RPLP0: variants seen among roughly 807,000 people sequenced by gnomAD.
The protein encoded by RPLP0 is large ribosomal subunit protein uL10.
For missense variants in RPLP0, 276 were observed against 402.9 expected (o/e 0.69, Z 2.70); for synonymous variants, 137 against 153.4 (o/e 0.89, Z 0.79).
chr12:120,200,569 C>G (rs1296796090), intron 2 of RPLP0, 161 bp downstream of exon 2: 1 of 718,700 alleles, frequency 1.4e-6, no homozygotes, highest in Non-Finnish European at 2.2e-6. Context: ...TTATCTGCAA[C>G]AGAAGGGACC....
chr12:120,200,291 T>C, intron 2 of RPLP0: 1 of 344,654 alleles, frequency 2.9e-6, no homozygotes, highest in South Asian at 2.2e-5. Context: ...GGTGAATCCC[T>C]GTCTCTATTG....
At position 120,200,841 on chromosome 12, in the gene RPLP0, G is replaced by A. The variant is rs747992508; in HGVS notation, c.-48-10C>T. 1.9e-6 allele frequency: 3 copies of A among 1,589,404 alleles called. No homozygotes were observed. The highest frequency in any genetic ancestry group is 2.6e-6 in the Non-Finnish European group (3 of 1,168,848). On this transcript the variant is annotated splice_polypyrimidine_tract_variant and intron_variant, in intron 1 of 7. Coordinates refer to ENST00000392514, the MANE Select transcript of RPLP0 (RefSeq NM_001002.4). ...TTTAAAGACGATGTCACTGAGGAGA[G>A]ACAGGGAGCTCAGGCCTGGTCACGC...
At chr12:120,200,186 C>T (rs1324531417) in intron 2 of RPLP0, 1 of 445,568 alleles carries the variant, frequency 2.2e-6, no homozygotes, top group South Asian at 1.6e-5. Context: ...AATGTGCGGC[C>T]GGGCGCGGTG....
In RPLP0 at chr12:120,198,772, TG is replaced by T. The variant is rs1398127971; in HGVS notation, c.466-34del. On this transcript the variant is annotated intron_variant, in intron 5 of 7. Coordinates refer to ENST00000392514, the MANE Select transcript of RPLP0 (RefSeq NM_001002.4). The surrounding 1 kb of genome is among the most constrained non-coding windows in gnomAD (Gnocchi z 4.1). ...AGATAATAGTGGGGCAGTAAACACC[TG>T]TTGGACAACCAGCAGATCCATGGCC... The T allele has an allele frequency of 6.2e-7, 1 of 1,611,202 alleles. No individual in the cohort carries two copies. The highest frequency in any genetic ancestry group is 8.5e-7 in the Non-Finnish European group (1 of 1,177,432).
chr12:120,199,271 G>T (rs749774833), intron 3 of RPLP0, 39 bp downstream of exon 3: 1 of 1,613,488 alleles, frequency 6.2e-7, no homozygotes, highest in Non-Finnish European at 8.5e-7. Flanking sequence ...AGGGAGACGG[G>T]CACTGGGGAG....
At chr12:120,199,521 G>C (rs1480306264) in intron 2 of RPLP0, 36 bp from the exon 3 acceptor site, 44 of 1,592,192 alleles carry the variant, frequency 2.8e-5, no homozygotes, top group Non-Finnish European at 3.7e-5. Context: ...AAGTTTAACA[G>C]GAAGAGAGAG....
intron 2 of RPLP0, 117 bp downstream of exon 2, chr12:120,200,613 C>T (rs1879405958): frequency 1.7e-6 from 2 of 1,152,404 alleles, no homozygotes; most frequent in African/African-American, 3.1e-5. Context: ...ACAGTATTTT[C>T]CCAAAAATGG....
Position 120,198,445 on chromosome 12 carries a change from G to T in RPLP0, c.651+109C>A. ...ATGTTGTTACTGACATTTTACAGAT[G>T]AGGTAGGTAGACAGATGAAAACACA... is the stretch of plus-strand genomic sequence containing the variant. On this transcript the variant is annotated intron_variant, in intron 6 of 7. Coordinates refer to ENST00000392514, the MANE Select transcript of RPLP0 (RefSeq NM_001002.4). The surrounding 1 kb of genome is among the most constrained non-coding windows in gnomAD (Gnocchi z 4.1). 9.1e-7 allele frequency: 1 copy of T among 1,097,442 alleles called. No individual in the cohort carries two copies. The highest frequency in any genetic ancestry group is 1.4e-6 in the Non-Finnish European group (1 of 737,056). The allele number at this position is 1,097,442 out of a possible 1,614,324, so 68.0% of individuals were successfully genotyped here.
intron 1 of RPLP0, 92 bp downstream of exon 1, chr12:120,200,991 C>A (rs1594301158): frequency 2.6e-6 from 2 of 755,436 alleles, no homozygotes; most frequent in Non-Finnish European, 4.0e-6. Context: ...CCAGGCGGAA[C>A]AGAATAGGAC....
At position 120,198,738 on chromosome 12, in the gene RPLP0, C is replaced by T. The variant is rs990874508; in HGVS notation, c.467G>A (p.Ser156Asn). The change falls in exon 6 of 8, where the codon AGT (serine) becomes AAT (asparagine). Residue 156 changes from serine to asparagine, a missense_variant and splice_region_variant. Coordinates refer to ENST00000392514, the MANE Select transcript of RPLP0 (RefSeq NM_001002.4). This position sits in a 1 kb window ranked among gnomAD's most constrained non-coding sequence, Gnocchi z 4.1. The stretch of plus-strand genomic sequence containing the variant: ...TCCAGTCTTGATCAGCTGCACATCA[C>T]TCTGAACCAGATAATAGTGGGGCAG... ...KISRGTIEIL[S>N]DVQLIKTGDK... 6.2e-7 allele frequency: 1 copy of T among 1,613,924 alleles called. No homozygotes were observed. The highest frequency in any genetic ancestry group is 8.5e-7 in the Non-Finnish European group (1 of 1,179,806).
rs1879221169 is a variant in RPLP0 at position 120,197,372 on chromosome 12, C to G, written c.742G>C (p.Val248Leu). 3.1e-6 allele frequency: 5 copies of G among 1,613,900 alleles called. No homozygotes were observed. Among genetic ancestry groups the G allele is most frequent in the Non-Finnish European group, 4.2e-6 (5 of 1,179,812 alleles). The change falls in exon 7 of 8, where the codon GTC (valine) becomes CTC (leucine). Residue 248 changes from valine (V) to leucine (L), a missense_variant. Val to Leu is a conservative substitution (Grantham distance 32). Transcript: ENST00000392514. The stretch of plus-strand genomic sequence containing the variant: ...TCCGTCTCCACAGACAAGGCCAGGA[C>G]TCGTTTGTACCCGTTGATGATAGAA... The part of the protein sequence containing the change: ...PHSIINGYKR[V>L]LALSVETDYT...
intron 7 of RPLP0, 186 bp downstream of exon 7, chr12:120,197,136 C>T (rs1468604256): frequency 2.0e-6 from 2 of 1,020,628 alleles, no homozygotes; most frequent in East Asian, 4.8e-5. Flanking sequence ...CATTAACCCC[C>T]TCTTTGGGTC....
In RPLP0 at chr12:120,198,326, G is replaced by A. The variant is rs537006577; in HGVS notation, c.651+228C>T. ...TGTGAACCCGGAGGCGGAGCTTGCA[G>A]TGAGCCGGGAGATTGTGCCACTGCA... On this transcript the variant is annotated intron_variant, in intron 6 of 7. Transcript: ENST00000392514. The surrounding 1 kb of genome is among the most constrained non-coding windows in gnomAD (Gnocchi z 4.1). 2.0e-6 allele frequency: 1 copy of A among 511,326 alleles called. No individual in the cohort carries two copies. The highest frequency in any genetic ancestry group is 3.5e-5 in the East Asian group (1 of 28,188). 31.7% of individuals were successfully genotyped at this position (511,326 alleles called of 1,614,324 possible).
At chr12:120,200,637 C>A in intron 2 of RPLP0, 93 bp downstream of exon 2, 2 of 1,367,096 alleles carry the variant, frequency 1.5e-6, no homozygotes, top group African/African-American at 1.5e-5. Flanking sequence ...AATTCAGTAG[C>A]CGGTGTGAGT....
intron 2 of RPLP0, chr12:120,199,894 G>A (rs1002900515): frequency 1.0e-5 from 4 of 391,182 alleles, no homozygotes; most frequent in Admixed American, 3.2e-5. Flanking sequence ...AAACAATCTA[G>A]GCGTGTTTAT....
chr12:120,199,525 G>A (rs1196436831), intron 2 of RPLP0, 40 bp from the exon 3 acceptor site: 2 of 1,588,992 alleles, frequency 1.3e-6, no homozygotes, highest in Admixed American at 1.8e-5. Context: ...TTAACAGGAA[G>A]AGAGAGGGAA....
chr12:120,198,640 T>C lies in RPLP0; in HGVS notation c.565A>G (p.Ile189Val), dbSNP rs1459697103. 3.1e-6 allele frequency: 5 copies of C among 1,614,090 alleles called. No individual in the cohort carries two copies. The highest frequency in any genetic ancestry group is 3.4e-6 in the Non-Finnish European group (4 of 1,180,028). ...CTGCCATTGTCGAACACCTGCTGGA[T>C]GACCAGCCCAAAGGAGAAGGGGGAG... ...NISPFSFGLV[I>V]QQVFDNGSIY... is the part of the protein sequence containing the mutation. The change falls in exon 6 of 8, where the codon ATC becomes GTC. Residue 189 changes from isoleucine to valine, a missense_variant. Ile to Val is a conservative substitution (Grantham distance 29, BLOSUM62 3). Transcript: ENST00000392514. This position sits in a 1 kb window ranked among gnomAD's most constrained non-coding sequence, Gnocchi z 4.1.
rs766669051 is a variant in RPLP0, at chr12:120,199,149, G to A, written c.287C>T (p.Thr96Ile). 22 of 1,613,988 alleles carry A rather than the reference G, an allele frequency of 1.4e-5. No individual in the cohort carries two copies. Among genetic ancestry groups the A allele is most frequent in the South Asian group, 1.1e-4 (10 of 91,082 alleles). The part of the protein sequence containing the change: ...VGFVFTKEDL[T>I]EIRDMLLANK... ...GGCCAGCAACATGTCCCTGATCTCA[G>A]TGAGGTCCTCCTTGGTGAACACAAA... Residue 96 changes from threonine (T) to isoleucine (I), a missense_variant, in exon 4 of 8, where the codon ACT (threonine) becomes ATT (isoleucine). Transcript: ENST00000392514.
rs145978444 is a variant in RPLP0 at position 120,198,210 on chromosome 12, C to T, written c.651+344G>A. 13 of 299,786 alleles carry T rather than the reference C, an allele frequency of 4.3e-5. No individual in the cohort carries two copies. Among genetic ancestry groups the T allele is most frequent in the South Asian group, 1.2e-4 (4 of 32,334 alleles). The allele number at this position is 299,786 out of a possible 1,614,324, so 18.6% of individuals were successfully genotyped here. ...GAGATCGACACCATCCTGGCTAACG[C>T]GGTGAAACCTAAAAATACAAAAAAA... On this transcript the variant is annotated intron_variant, in intron 6 of 7. Coordinates refer to ENST00000392514, the MANE Select transcript of RPLP0 (RefSeq NM_001002.4). This position sits in a 1 kb window ranked among gnomAD's most constrained non-coding sequence, Gnocchi z 4.1.
Sources: allele counts gnomAD v4.1 joint callset, GRCh38; gene constraint gnomAD v4.1.1; non-coding constraint Gnocchi (gnomAD v3.1); transcripts MANE v1.5; gene names NCBI Gene and HGNC (gene_info 2026-07-23, HGNC 2026-07-21).